SLC20A2: variants seen among roughly 807,000 people sequenced by gnomAD.
SLC20A2 encodes the protein solute carrier family 20 member 2, also known as sodium-dependent phosphate transporter 2.
SLC20A2 carries 30 observed loss-of-function variants against 61.0 expected under a neutral mutation model. The ratio of observed to expected loss-of-function variants is 0.49; its 90% CI spans 0.37 to 0.67. The LOEUF is 0.67. SLC20A2 is among the 30% of genes least tolerant of loss of function. SLC20A2 has a pLI of 0.00. For synonymous variants in SLC20A2, 351 were observed against 353.3 expected (o/e 0.99, Z 0.07); for missense variants, 626 against 866.4 (o/e 0.72, Z 3.48).
At chr8:42,460,196 G>T in intron 4 of SLC20A2, 1 of 471,854 alleles carries the variant, frequency 2.1e-6, no homozygotes, top group South Asian at 2.4e-5. Context: ...CCACACAAAT[G>T]CAATGTCAAA....
intron 1 of SLC20A2, among the ~76,000 whole-genome samples, chr8:42,476,021 G>A (rs184315777): frequency 9.8e-4 from 149 of 151,624 alleles, no homozygotes; most frequent in African/African-American, 3.5e-3. Flanking sequence ...GCTTTTTGGG[G>A]CTAGGATGGG....
Position 42,430,206 on chromosome 8 carries a change from G to A in SLC20A2, c.1567C>T (p.Gln523Ter). Residue 523 changes from glutamine to a stop codon, truncating the protein, a stop_gained, in exon 9 of 11, where the codon CAA becomes TAA. Transcript: ENST00000520262. LOFTEE classifies it high-confidence loss of function. ...GCTGCTTCTTGCGTTACCCCGCCTT[G>A]TTTGTAAATCAGCCACAAGGCTACC... ...PLVALWLIYK[Q>*]GGVTQEAATP... 1 of 1,613,798 alleles carries A rather than the reference G, an allele frequency of 6.2e-7. No homozygotes were observed. Among genetic ancestry groups the A allele is most frequent in the Non-Finnish European group, 8.5e-7 (1 of 1,179,926 alleles).
At chr8:42,538,877 G>C (rs957383796) in intron 1 of SLC20A2, among the ~76,000 whole-genome samples, 1 of 152,034 alleles carries the variant, frequency 6.6e-6, no homozygotes, top group Non-Finnish European at 1.5e-5. Context: ...TTCTAAATCA[G>C]TTCCATCTTT....
chr8:42,421,518 A>G (rs1803034995), intron 10 of SLC20A2, among the ~76,000 whole-genome samples: 1 of 152,164 alleles, frequency 6.6e-6, no homozygotes, highest in African/African-American at 2.4e-5. Flanking sequence ...GAAATACTGA[A>G]TATCGGCCGG....
intron 10 of SLC20A2, among the ~76,000 whole-genome samples, chr8:42,423,914 G>A (rs1209555893): frequency 6.6e-6 from 1 of 152,074 alleles, no homozygotes; most frequent in East Asian, 1.9e-4. Context: ...GAGAAGAAGG[G>A]GGACCAGAGA....
At chr8:42,478,754 T>C (rs940762196) in intron 1 of SLC20A2, among the ~76,000 whole-genome samples, 2 of 152,002 alleles carry the variant, frequency 1.3e-5, no homozygotes, top group Non-Finnish European at 2.9e-5. Flanking sequence ...ATAAAAGTGA[T>C]CAGAAAAAAT....
At chr8:42,440,767 CA>C (rs1355548171) in intron 6 of SLC20A2, among the ~76,000 whole-genome samples, 1 of 152,168 alleles carries the variant, frequency 6.6e-6, no homozygotes. Context: ...TAAATACTGA[CA>C]AAATTTAGTA....
intron 4 of SLC20A2, 31 bp from the exon 5 acceptor site, chr8:42,460,023 G>C: frequency 8.0e-7 from 1 of 1,256,824 alleles, no homozygotes; most frequent in Middle Eastern, 1.9e-4. Context: ...AGAGTGGAAG[G>C]TCAGGATCCC....
At chr8:42,455,975 T>C (rs1053911553) in intron 5 of SLC20A2, among the ~76,000 whole-genome samples, 1 of 152,216 alleles carries the variant, frequency 6.6e-6, no homozygotes, top group African/African-American at 2.4e-5. Context: ...TTACATTATT[T>C]ATTTCTCACA....
Position 42,437,570 on chromosome 8 carries a change from T to C in SLC20A2, c.942A>G (p.Ala314=). ...TCACAGAGCCATGGGTCATGGACAG[T>C]GCTCTTCCTGAAAAGGGTTAGAGAA... is the stretch of plus-strand genomic sequence containing the variant. ...GSHPRAAYGR[A]LSMTHGSVKS... is the part of the protein sequence containing the mutation. The change falls in exon 8 of 11, where the codon GCA becomes GCG. Residue 314 remains alanine (A), a synonymous_variant. Coordinates refer to ENST00000520262, the MANE Select transcript of SLC20A2 (RefSeq NM_001257180.2). The surrounding 1 kb of genome is among the most constrained non-coding windows in gnomAD (Gnocchi z 6.4). 6.3e-7 allele frequency: 1 copy of C among 1,589,680 alleles called. No individual in the cohort carries two copies. Among genetic ancestry groups the C allele is most frequent in the Non-Finnish European group, 8.5e-7 (1 of 1,169,996 alleles).
chr8:42,419,377 C>T (rs935780335), intron 10 of SLC20A2, among the ~76,000 whole-genome samples: 1 of 151,942 alleles, frequency 6.6e-6, no homozygotes, highest in Non-Finnish European at 1.5e-5. Flanking sequence ...CGAGACCAGC[C>T]TGACCAACAT....
chr8:42,435,071 G>A (rs1011693473), intron 8 of SLC20A2, among the ~76,000 whole-genome samples: 6 of 152,160 alleles, frequency 3.9e-5, no homozygotes, highest in Admixed American at 3.3e-4. Context: ...AGGCCTTCTG[G>A]AAAGAATGCT....
chr8:42,447,523 A>G lies in SLC20A2; in HGVS notation c.614-2761T>C, dbSNP rs562530069. Among the ~76,000 whole-genome samples, 3 of 141,686 alleles carry G rather than the reference A, an allele frequency of 2.1e-5. No individual in the cohort carries two copies. The East Asian group carries it at 5.9e-4, about 28-fold the overall frequency. 93.0% of individuals were successfully genotyped at this position (141,686 alleles called of 152,430 possible). A position where few individuals can be genotyped will look rare whatever the true frequency, so the allele number is the denominator to read the frequency against. ...AAACCCCGTCTCTACTAAAAATACA[A>G]AAAAATTAGCCAGGCGTGGTGGTGG... On this transcript the variant is annotated intron_variant, in intron 5 of 10. Transcript: ENST00000520262.
At chr8:42,485,408 G>A (rs1009381583) in intron 1 of SLC20A2, among the ~76,000 whole-genome samples, 16 of 151,940 alleles carry the variant, frequency 1.1e-4, no homozygotes, top group African/African-American at 2.4e-5. Flanking sequence ...TTGGGAGGTC[G>A]AGGCGGGTGA....
At chr8:42,533,651 G>GTTCTTTTTTTCT (rs1380902729) in intron 1 of SLC20A2, among the ~76,000 whole-genome samples, 4 of 89,734 alleles carry the variant, frequency 4.5e-5, no homozygotes, top group East Asian at 3.2e-4. Flanking sequence ...ATGATCAACT[G>GTTCTTTTTTTCT]TTCTTTTTTT....
chr8:42,503,511 G>A (rs1477517133), upstream of SLC20A2, among the ~76,000 whole-genome samples: 2 of 152,078 alleles, frequency 1.3e-5, no homozygotes, highest in Non-Finnish European at 2.9e-5. Context: ...TCTAGTAGCT[G>A]CTTTTAGAAA....
chr8:42,537,500 T>TA (rs1279456906), intron 1 of SLC20A2: 4 of 152,234 alleles, frequency 2.6e-5, no homozygotes, highest in Non-Finnish European at 5.9e-5. Context: ...GGTAAGTGTT[T>TA]AAAAAAAGAA....
Position 42,428,812 on chromosome 8 carries a change from G to A in SLC20A2, c.1740C>T (p.Phe580=). The A allele has an allele frequency of 6.2e-7, 1 of 1,608,624 alleles. No homozygotes were observed. The highest frequency in any genetic ancestry group is 8.5e-7 in the Non-Finnish European group (1 of 1,177,534). Residue 580 remains phenylalanine, a synonymous_variant, in exon 10 of 11, where the codon TTC becomes TTT. Coordinates refer to ENST00000520262, the MANE Select transcript of SLC20A2 (RefSeq NM_001257180.2). ...SGFTIELASA[F]TVVIASNIGL... is the part of the protein sequence containing the mutation. The stretch of plus-strand genomic sequence containing the variant: ...CGATGTTGGAGGCGATCACCACTGT[G>A]AAGGCTGAGGCCAGCTCGATCGTGA...
intron 4 of SLC20A2, among the ~76,000 whole-genome samples, chr8:42,462,696 C>CT (rs1200501526): frequency 6.6e-6 from 1 of 151,938 alleles, no homozygotes; most frequent in African/African-American, 2.4e-5. Flanking sequence ...TTCTATTCTG[C>CT]TTAACATTCA....
Sources: gnomAD v4.1 joint callset for allele counts (sites outside exome capture counted in the v4.1 genomes callset) on GRCh38, gnomAD v4.1.1 for gene constraint, Gnocchi (gnomAD v3.1) non-coding constraint, MANE v1.5 for transcripts, NCBI Gene and HGNC (gene_info 2026-07-23, HGNC 2026-07-21) for gene names.